UMODL1: variants seen among roughly 807,000 people sequenced by gnomAD.
UMODL1 encodes the protein uromodulin-like 1.
A neutral mutation model predicts 136.3 loss-of-function variants in UMODL1; 128 were observed. That is an observed-to-expected ratio of 0.94 (90% CI 0.81 to 1.09). UMODL1 has a LOEUF of 1.09. Among genes scored for constraint, UMODL1 ranks in the 50% least tolerant of loss-of-function variants. UMODL1 has a pLI of 0.00. For synonymous variants in UMODL1, 721 were observed against 720.0 expected (o/e 1.00, Z -0.02); for missense variants, 1,766 against 1,725.6 (o/e 1.02, Z -0.41).
intron 11 of UMODL1, 137 bp from the exon 12 acceptor site, chr21:42,111,369 G>A (rs1426070727): frequency 6.2e-7 from 1 of 1,610,006 alleles, no homozygotes; most frequent in Non-Finnish European, 8.5e-7. Context: ...CCCAGCCAGG[G>A]GAGCACCAGC....
intron 15 of UMODL1, among the ~76,000 whole-genome samples, chr21:42,120,087 A>G (rs1569169389): frequency 6.6e-6 from 1 of 152,266 alleles, no homozygotes; most frequent in Non-Finnish European, 1.5e-5. Context: ...AGAAATATGA[A>G]TGACTAACAA....
At chr21:42,132,881 A>C (rs1471510728) in intron 21 of UMODL1, among the ~76,000 whole-genome samples, 1 of 152,242 alleles carries the variant, frequency 6.6e-6, no homozygotes, top group Non-Finnish European at 1.5e-5. Flanking sequence ...GGGAATAATA[A>C]TAATTCCTAC....
At chr21:42,073,016 G>T (rs1292604227) in intron 1 of UMODL1, among the ~76,000 whole-genome samples, 2 of 151,294 alleles carry the variant, frequency 1.3e-5, no homozygotes, top group South Asian at 2.1e-4. Flanking sequence ...GAGTGTGTGT[G>T]TGTGTGCGCG....
intron 7 of UMODL1, 137 bp from the exon 8 acceptor site, chr21:42,102,029 G>C: frequency 4.9e-6 from 3 of 608,540 alleles, no homozygotes; most frequent in Non-Finnish European, 8.7e-6. Flanking sequence ...CCCCCAATTA[G>C]GATACCTCAA....
intron 6 of UMODL1, among the ~76,000 whole-genome samples, chr21:42,093,215 T>C (rs989007533): frequency 5.1e-5 from 6 of 118,492 alleles, no homozygotes; most frequent in Non-Finnish European, 1.0e-4. Context: ...ATTAATTTTA[T>C]TGTTTGTTTT....
intron 2 of UMODL1, among the ~76,000 whole-genome samples, chr21:42,083,508 C>T (rs1451312240): frequency 6.6e-6 from 1 of 152,232 alleles, no homozygotes; most frequent in Non-Finnish European, 1.5e-5. Context: ...CTGATGTCTG[C>T]AGAGCTGCTC....
At chr21:42,103,116 C>A (rs879656958) in intron 8 of UMODL1, 2 of 165,594 alleles carry the variant, frequency 1.2e-5, no homozygotes, top group Non-Finnish European at 2.7e-5. Context: ...CTGCCCTTTG[C>A]TCTGGAGGGA....
At chr21:42,087,620 A>G (rs2066440984) in intron 4 of UMODL1, among the ~76,000 whole-genome samples, 1 of 152,238 alleles carries the variant, frequency 6.6e-6, no homozygotes, top group South Asian at 2.1e-4. Flanking sequence ...GTCTAATTCT[A>G]GTTCTAATTC....
At position 42,123,501 on chromosome 21, in the gene UMODL1, G is replaced by A. The variant is rs916257856; in HGVS notation, c.3147+351G>A. Among the ~76,000 whole-genome samples the A allele has an allele frequency of 6.6e-5, 10 of 151,708 alleles. No individual in the cohort carries two copies. Among genetic ancestry groups the A allele is most frequent in the Middle Eastern group, 3.2e-3 (1 of 316 alleles). On this transcript the variant is annotated intron_variant, in intron 17 of 22. Coordinates refer to ENST00000408910, the MANE Select transcript of UMODL1 (RefSeq NM_001004416.3). This position sits in a 1 kb window ranked among gnomAD's most constrained non-coding sequence, Gnocchi z 4.4. Reference sequence around the variant, plus strand: ...TGAGAGTGTGTGTGTGTGAGTGTACGTGTGTGCATGTGTGCATGTGTCTGA... The same window carrying A: ...TGAGAGTGTGTGTGTGTGAGTGTACATGTGTGCATGTGTGCATGTGTCTGA...
At chr21:42,092,119 G>A (rs1041184712) in intron 6 of UMODL1, among the ~76,000 whole-genome samples, 1 of 152,220 alleles carries the variant, frequency 6.6e-6, no homozygotes, top group Admixed American at 6.5e-5. Context: ...TGGGAACTAC[G>A]GGGATCCGGT....
Position 42,111,139 on chromosome 21 carries a change from G to A in UMODL1, c.1899+18G>A, listed in dbSNP as rs201794605. The A allele has an allele frequency of 5.9e-5, 94 of 1,598,418 alleles. 1 individual carries two copies. In the African/African-American group the frequency reaches 7.6e-4, roughly 13 times the overall value. ...AGCAGGAGGTGCCCAGCACTGCCCC[G>A]GGTCTGGGGATGGACCAGGGGAGCC... On this transcript the variant is annotated intron_variant, in intron 11 of 22. Transcript: ENST00000408910.
chr21:42,113,813 A>C lies in UMODL1; in HGVS notation c.2345A>C (p.His782Pro). ...KACGKEGARA[H>P]LKVRTAARKL... The stretch of plus-strand genomic sequence containing the variant: ...TGTGGGAAAGAAGGTGCCAGAGCTC[A>C]TCTGAAAGTGAGGACAGGTAATGGG... The change falls in exon 13 of 23, where the codon CAT (histidine) becomes CCT (proline). Residue 782 changes from histidine (H) to proline (P), a missense_variant. Transcript: ENST00000408910. 1 of 1,613,558 alleles carries C rather than the reference A, an allele frequency of 6.2e-7. No homozygotes were observed. The highest frequency in any genetic ancestry group is 8.5e-7 in the Non-Finnish European group (1 of 1,179,728).
chr21:42,125,308 T>C (rs7280694), intron 17 of UMODL1, among the ~76,000 whole-genome samples: 88,545 of 151,842 alleles, frequency 0.58, 26,443 homozygotes, highest in Non-Finnish European at 0.66. Context: ...GGTGATTCCA[T>C]GGTGTGGAGC....
chr21:42,089,567 T>A (rs903814938), intron 5 of UMODL1, among the ~76,000 whole-genome samples: 6 of 152,196 alleles, frequency 3.9e-5, no homozygotes, highest in Non-Finnish European at 8.8e-5. Context: ...AGAAAGAACC[T>A]GTTATAGGAT....
At chr21:42,081,233 C>T (rs2066357732) in intron 2 of UMODL1, among the ~76,000 whole-genome samples, 2 of 152,118 alleles carry the variant, frequency 1.3e-5, no homozygotes, top group Non-Finnish European at 2.9e-5. Context: ...CCTCCTGTCC[C>T]GACCAGGCGA....
In UMODL1 at chr21:42,088,376, G is replaced by A. The variant is rs765784944; in HGVS notation, c.686G>A (p.Arg229Gln). 105 of 1,613,700 alleles carry A rather than the reference G, an allele frequency of 6.5e-5. No individual in the cohort carries two copies. Among genetic ancestry groups the A allele is most frequent in the East Asian group, 1.6e-4 (7 of 44,878 alleles). Residue 229 changes from arginine (R) to glutamine (Q), a missense_variant, in exon 5 of 23, where the codon CGG (arginine) becomes CAG (glutamine). Physicochemically the swap from Arg to Gln is conservative, Grantham distance 43. Transcript: ENST00000408910. ...GGGAACGCCTCCACCACAGTGTCGC[G>A]GCTGCTACTGGGCCTGCCACGGCCA... ...APGNASTTVS[R>Q]LLLGLPRPLP...
chr21:42,094,118 C>T (rs1006058582), intron 6 of UMODL1: 3 of 376,898 alleles, frequency 8.0e-6, no homozygotes, highest in Admixed American at 6.1e-5. Context: ...CACACTCTGC[C>T]GTGTTGCTTG....
Position 42,102,074 on chromosome 21 carries a change from T to C in UMODL1, c.1187-92T>C, listed in dbSNP as rs563972531. 2.2e-4 allele frequency: 202 copies of C among 935,254 alleles called. 3 individuals are homozygous for C. The South Asian group carries it at 3.1e-3, about 15-fold the overall frequency. 57.9% of individuals were successfully genotyped at this position (935,254 alleles called of 1,614,324 possible). A position where few individuals can be genotyped will look rare whatever the true frequency, so the allele number is the denominator to read the frequency against. ...CATGCCTCAATCTATTAAAAAAAAT[T>C]ATCCCGCCAAAGAGTAGGCTTCATG... On this transcript the variant is annotated intron_variant, in intron 7 of 22. Transcript: ENST00000408910.
Position 42,110,912 on chromosome 21 carries a change from T to A in UMODL1, c.1690T>A (p.Ser564Thr). ...GGTGAGCCCCATGGGCGGTGGACTGTCTGCGGCAACAGGGGTAACGGTCCC... is the reference window on the plus strand; with the variant it reads ...GGTGAGCCCCATGGGCGGTGGACTGACTGCGGCAACAGGGGTAACGGTCCC... ...DLVSPMGGGL[S>T]AATGVTVPGL... is the part of the protein sequence containing the mutation. The change falls in exon 11 of 23, where the codon TCT (serine) becomes ACT (threonine). Residue 564 changes from serine (S) to threonine (T), a missense_variant. Transcript: ENST00000408910. The A allele has an allele frequency of 6.2e-7, 1 of 1,611,926 alleles. No individual in the cohort carries two copies. The highest frequency in any genetic ancestry group is 1.3e-5 in the African/African-American group (1 of 75,020).
Sources: gnomAD v4.1 joint callset for allele counts (sites outside exome capture counted in the v4.1 genomes callset) on GRCh38, gnomAD v4.1.1 for gene constraint, Gnocchi (gnomAD v3.1) non-coding constraint, MANE v1.5 for transcripts, NCBI Gene and HGNC (gene_info 2026-07-23, HGNC 2026-07-21) for gene names.